SLC5A1: variants seen among roughly 807,000 people sequenced by gnomAD.
The protein encoded by SLC5A1 is sodium/glucose cotransporter 1.
SLC5A1 carries 42 observed loss-of-function variants against 73.5 expected under a neutral mutation model. The observed-to-expected ratio is 0.57, with a 90% CI of 0.45 to 0.74. The LOEUF is 0.74. Ranked by LOEUF, SLC5A1 falls within the 30% of genes least tolerant of loss-of-function variation. The probability of loss-of-function intolerance (pLI) is 0.00; values close to 1 mark genes in which losing one functional copy is unlikely to be tolerated. For missense variants in SLC5A1, 634 were observed against 855.4 expected (o/e 0.74, Z 3.23); for synonymous variants, 300 against 317.4 (o/e 0.95, Z 0.58).
At chr22:32,045,663 A>G (rs1374735190) in intron 1 of SLC5A1, among the ~76,000 whole-genome samples, 2 of 152,204 alleles carry the variant, frequency 1.3e-5, no homozygotes, top group Admixed American at 1.3e-4. Context: ...CTCTTTTACA[A>G]TTCTGCCTCC....
At chr22:32,086,985 T>C (rs1047283422) in intron 10 of SLC5A1, among the ~76,000 whole-genome samples, 1 of 152,248 alleles carries the variant, frequency 6.6e-6, no homozygotes, top group African/African-American at 2.4e-5. Flanking sequence ...GAGAACATTA[T>C]GTTTAGTGAA....
intron 5 of SLC5A1, 25 bp downstream of exon 5, chr22:32,068,625 G>A (rs1169319327): frequency 8.0e-6 from 12 of 1,506,850 alleles, no homozygotes; most frequent in Non-Finnish European, 1.0e-5. Flanking sequence ...CCAGAGGGCT[G>A]GGCTGTCTCA....
chr22:32,090,273 C>T (rs745537043), intron 10 of SLC5A1, among the ~76,000 whole-genome samples: 4 of 152,066 alleles, frequency 2.6e-5, no homozygotes, highest in Non-Finnish European at 4.4e-5. Flanking sequence ...AAATCCTATA[C>T]CTGCTAATGA....
At chr22:32,053,767 T>C (rs1397553128) in intron 2 of SLC5A1, among the ~76,000 whole-genome samples, 2 of 152,256 alleles carry the variant, frequency 1.3e-5, no homozygotes, top group African/African-American at 4.8e-5. Flanking sequence ...GAATTCGTTG[T>C]ATTATTCATA....
chr22:32,086,140 C>CATAAAAAAAA, intron 9 of SLC5A1, 80 bp from the exon 10 acceptor site: 1 of 764,898 alleles, frequency 1.3e-6, no homozygotes, highest in Non-Finnish European at 2.2e-6. Context: ...GACTCCGTCT[C>CATAAAAAAAA]AAAAAAAAAA....
chr22:32,063,153 A>G (rs1187414054), intron 2 of SLC5A1, among the ~76,000 whole-genome samples: 2 of 151,998 alleles, frequency 1.3e-5, no homozygotes, highest in East Asian at 1.9e-4. Context: ...TAACCTTATT[A>G]TCTCCCTAAA....
chr22:32,106,329 T>C (rs1156680477), intron 14 of SLC5A1, among the ~76,000 whole-genome samples: 1 of 152,252 alleles, frequency 6.6e-6, no homozygotes, highest in Non-Finnish European at 1.5e-5. Context: ...GTTGAGCACA[T>C]TTTTATGTGC....
chr22:32,074,988 G>A (rs1318174878), intron 5 of SLC5A1, among the ~76,000 whole-genome samples: 5 of 151,808 alleles, frequency 3.3e-5, no homozygotes, highest in East Asian at 1.9e-4. Flanking sequence ...CCTTAAACTC[G>A]TGGGCTCAAG....
At chr22:32,106,017 A>G (rs181040557) in intron 14 of SLC5A1, among the ~76,000 whole-genome samples, 21 of 152,340 alleles carry the variant, frequency 1.4e-4, no homozygotes, top group African/African-American at 5.0e-4. Context: ...TCCAAATCTT[A>G]GCCATTGTAA....
chr22:32,089,809 G>C (rs1318785401), intron 10 of SLC5A1, among the ~76,000 whole-genome samples: 1 of 152,126 alleles, frequency 6.6e-6, no homozygotes, highest in African/African-American at 2.4e-5. Context: ...TTTTACTCCT[G>C]AAACTGTAAA....
At chr22:32,092,529 G>A (rs1398005508) in intron 11 of SLC5A1, among the ~76,000 whole-genome samples, 1 of 152,158 alleles carries the variant, frequency 6.6e-6, no homozygotes, top group East Asian at 1.9e-4. Context: ...TGTCCATACT[G>A]TTTTCCATAG....
intron 6 of SLC5A1, among the ~76,000 whole-genome samples, chr22:32,082,633 TGGGAGGGATCAGCTTTA>T (rs1482232232): frequency 3.3e-5 from 5 of 151,152 alleles, no homozygotes; most frequent in Non-Finnish European, 7.4e-5. Context: ...TTGGTGGGGG[TGGGAGGGATCAGCTTTA>T]GAACTTGCTG....
intron 5 of SLC5A1, among the ~76,000 whole-genome samples, chr22:32,072,775 A>G (rs1288631776): frequency 2.0e-5 from 3 of 152,224 alleles, no homozygotes; most frequent in African/African-American, 7.2e-5. Context: ...TCTTTCTTTA[A>G]AGGAAATATA....
chr22:32,094,044 C>T (rs904162497), intron 11 of SLC5A1, among the ~76,000 whole-genome samples: 1 of 152,042 alleles, frequency 6.6e-6, no homozygotes, highest in Admixed American at 6.5e-5. Context: ...GTATTTTAAT[C>T]ATAAATGGAT....
At chr22:32,062,027 C>G (rs1186849946) in intron 2 of SLC5A1, among the ~76,000 whole-genome samples, 1 of 152,172 alleles carries the variant, frequency 6.6e-6, no homozygotes, top group East Asian at 1.9e-4. Flanking sequence ...ATTGGAAGGG[C>G]TAACTTGTGG....
At chr22:32,047,903 G>A (rs1316527271) in intron 1 of SLC5A1, among the ~76,000 whole-genome samples, 2 of 152,148 alleles carry the variant, frequency 1.3e-5, no homozygotes, top group Non-Finnish European at 2.9e-5. Flanking sequence ...GCTCATGCCT[G>A]TAATCCCAGC....
chr22:32,102,202 A>G lies in SLC5A1; in HGVS notation c.1630A>G (p.Ile544Val). The change falls in exon 13 of 15, where the codon ATC becomes GTC. Residue 544 changes from isoleucine (I) to valine (V), a missense_variant. This residue lies in a region of SLC5A1 where 161 missense variants were observed against 178.7 expected (regional missense o/e 0.90). Transcript: ENST00000266088. ...FAISFITIVV[I>V]SLLTKPIPDV... ...CATTTCTTTCATCACCATCGTGGTCATCTCCCTCCTCACCAAACCCATTCC... is the reference window on the plus strand; with the variant it reads ...CATTTCTTTCATCACCATCGTGGTCGTCTCCCTCCTCACCAAACCCATTCC... 6.2e-7 allele frequency: 1 copy of G among 1,614,104 alleles called. No homozygotes were observed. The highest frequency in any genetic ancestry group is 8.5e-7 in the Non-Finnish European group (1 of 1,180,010).
intron 1 of SLC5A1, among the ~76,000 whole-genome samples, chr22:32,044,514 TG>T (rs1358324091): frequency 4.1e-5 from 6 of 147,678 alleles, no homozygotes; most frequent in African/African-American, 1.3e-4. Flanking sequence ...CAAAAGGAAG[TG>T]TTTTTTTTTT....
chr22:32,078,954 CAAAAAAAAAAA>C (rs6147589), intron 5 of SLC5A1, among the ~76,000 whole-genome samples: 3 of 109,104 alleles, frequency 2.7e-5, no homozygotes, highest in South Asian at 2.8e-4. Context: ...ACTCTGTCTC[CAAAAAAAAAAA>C]AAAAAAAAAA....
Sources: gnomAD v4.1 joint callset for allele counts (sites outside exome capture counted in the v4.1 genomes callset) on GRCh38, gnomAD v4.1.1 for gene constraint, gnomAD v4.1.1 regional missense constraint, MANE v1.5 for transcripts, NCBI Gene and HGNC (gene_info 2026-07-23, HGNC 2026-07-21) for gene names.